The following EYA2 variants were observed in gnomAD, a reference collection of about 807,000 sequenced individuals.
EYA2 encodes the protein EYA transcriptional coactivator and phosphatase 2.
A neutral mutation model predicts 69.2 loss-of-function variants in EYA2; 31 were observed. The ratio of observed to expected loss-of-function variants is 0.45; its 90% CI spans 0.34 to 0.60. EYA2 has a LOEUF of 0.60. EYA2 is among the 20% of genes least tolerant of loss of function. The pLI is 0.02. For missense variants in EYA2, 622 were observed against 701.2 expected, an observed-to-expected ratio of 0.89 and a Z score of 1.28; for synonymous variants, 257 against 279.4, an observed-to-expected ratio of 0.92 and a Z score of 0.80.
intron 4 of EYA2, among the ~76,000 whole-genome samples, chr20:47,012,769 C>T (rs1270299964): frequency 6.6e-6 from 1 of 152,204 alleles, no homozygotes; most frequent in Admixed American, 6.5e-5. Context: ...GCTGGGATTA[C>T]AGGCGTGAGC....
intron 10 of EYA2, among the ~76,000 whole-genome samples, chr20:47,152,272 C>A (rs1384162413): frequency 1.3e-5 from 2 of 151,960 alleles, no homozygotes; most frequent in Non-Finnish European, 1.5e-5. Context: ...GGCATGTTTG[C>A]CCTGGATTAT....
At chr20:46,952,165 C>T (rs1206848418) in intron 1 of EYA2, among the ~76,000 whole-genome samples, 1 of 152,080 alleles carries the variant, frequency 6.6e-6, no homozygotes, top group Non-Finnish European at 1.5e-5. Flanking sequence ...AGGGACCCTC[C>T]TTAAGGTAGG....
At chr20:47,024,365 T>C in intron 5 of EYA2, among the ~76,000 whole-genome samples, 1 of 152,230 alleles carries the variant, frequency 6.6e-6, no homozygotes, top group East Asian at 1.9e-4. Context: ...TTCTACCCAA[T>C]GCCCCATGAA....
chr20:46,918,277 C>T (rs111545053), intron 1 of EYA2, among the ~76,000 whole-genome samples: 6 of 151,618 alleles, frequency 4.0e-5, no homozygotes, highest in East Asian at 2.0e-4. Flanking sequence ...GCCGAGATCG[C>T]GCCAGTGCAC....
intron 5 of EYA2, among the ~76,000 whole-genome samples, chr20:47,053,525 G>T (rs1040373355): frequency 6.6e-6 from 1 of 151,782 alleles, no homozygotes. Flanking sequence ...AAATTAGCCG[G>T]GTGTGGTGGC....
At chr20:46,978,057 T>C (rs1393354319) in intron 1 of EYA2, among the ~76,000 whole-genome samples, 1 of 152,168 alleles carries the variant, frequency 6.6e-6, no homozygotes, top group Non-Finnish European at 1.5e-5. Context: ...TGCCCACGGC[T>C]CCAGGTAGGC....
At position 47,117,052 on chromosome 20, in the gene EYA2, G is replaced by A. The variant is rs115653143; in HGVS notation, c.888+19884G>A. 6.2e-3 allele frequency among the ~76,000 whole-genome samples: 904 copies of A among 146,258 alleles called. 13 individuals carry two copies. The highest frequency in any genetic ancestry group is 0.021 in the African/African-American group (818 of 38,788). ...TGCTCTGTCACCCAGACTTCAGTGC[G>A]GTAGTGCAGTGGTGTAGTGGTGCGA... On this transcript the variant is annotated intron_variant, in intron 9 of 15. Coordinates refer to ENST00000327619, the MANE Select transcript of EYA2 (RefSeq NM_005244.5).
In EYA2 at chr20:46,978,524, C is replaced by T. The variant is rs187375464; in HGVS notation, c.-10-11477C>T. On this transcript the variant is annotated intron_variant, in intron 1 of 15. Coordinates refer to ENST00000327619, the MANE Select transcript of EYA2 (RefSeq NM_005244.5). ...GAGTGTGGAGCGAGAGAAAGGCCAGCGTGCTGGAATCAGATATTGGACAAG... is the reference window on the plus strand; with the variant it reads ...GAGTGTGGAGCGAGAGAAAGGCCAGTGTGCTGGAATCAGATATTGGACAAG... The T allele has an allele frequency of 2.6e-5, 14 of 531,744 alleles. No individual in the cohort carries two copies. In the East Asian group the frequency reaches 6.0e-4, roughly 23 times the overall value. 32.9% of individuals were successfully genotyped at this position (531,744 alleles called of 1,614,324 possible). A position where few individuals can be genotyped will look rare whatever the true frequency, so the allele number is the denominator to read the frequency against.
At chr20:46,970,897 A>G (rs985954717) in intron 1 of EYA2, among the ~76,000 whole-genome samples, 3 of 151,808 alleles carry the variant, frequency 2.0e-5, no homozygotes, top group Non-Finnish European at 2.9e-5. Flanking sequence ...ACTTACACGG[A>G]AATATTGACA....
intron 1 of EYA2, among the ~76,000 whole-genome samples, chr20:46,966,063 T>C (rs1226640615): frequency 6.6e-6 from 1 of 152,260 alleles, no homozygotes; most frequent in Non-Finnish European, 1.5e-5. Flanking sequence ...TGGAGAACTT[T>C]AAAATGCAGC....
intron 9 of EYA2, among the ~76,000 whole-genome samples, chr20:47,136,365 C>G (rs1011307619): frequency 6.6e-5 from 10 of 152,192 alleles, no homozygotes; most frequent in Non-Finnish European, 1.2e-4. Context: ...CTCTTATCCT[C>G]TCCCTTTCAT....
At chr20:46,943,872 T>C (rs528997729) in intron 1 of EYA2, among the ~76,000 whole-genome samples, 1 of 152,230 alleles carries the variant, frequency 6.6e-6, no homozygotes, top group African/African-American at 2.4e-5. Context: ...TGAAACCCTT[T>C]GCACACTTGT....
intron 5 of EYA2, among the ~76,000 whole-genome samples, chr20:47,027,145 A>G (rs1300791986): frequency 6.6e-6 from 1 of 152,238 alleles, no homozygotes; most frequent in African/African-American, 2.4e-5. Context: ...TATGTTTCAG[A>G]GAACTTGAGT....
At chr20:47,061,155 A>G (rs930233873) in intron 5 of EYA2, among the ~76,000 whole-genome samples, 1 of 152,032 alleles carries the variant, frequency 6.6e-6, no homozygotes, top group Non-Finnish European at 1.5e-5. Flanking sequence ...CACCCAGCCC[A>G]ACTTCATCTC....
chr20:47,187,978 G>A, intron 15 of EYA2, 75 bp from the exon 16 acceptor site: 1 of 1,465,432 alleles, frequency 6.8e-7, no homozygotes, highest in South Asian at 1.2e-5. Flanking sequence ...CTTCTCACAT[G>A]CCCTCTAACC....
intron 9 of EYA2, among the ~76,000 whole-genome samples, chr20:47,126,610 G>A (rs1484826385): frequency 1.3e-5 from 2 of 152,194 alleles, no homozygotes; most frequent in African/African-American, 4.8e-5. Flanking sequence ...CTCTTAGTTA[G>A]AAAGCTGGTT....
At chr20:46,938,019 A>G (rs78656374) in intron 1 of EYA2, among the ~76,000 whole-genome samples, 8,459 of 152,188 alleles carry the variant, frequency 0.056, 702 homozygotes, top group African/African-American at 0.18. Flanking sequence ...TCCCCATTGC[A>G]CAGACGCAGA....
At chr20:47,085,126 C>T (rs957261744) in intron 7 of EYA2, among the ~76,000 whole-genome samples, 1 of 151,926 alleles carries the variant, frequency 6.6e-6, no homozygotes, top group African/African-American at 2.4e-5. Context: ...CATGAGCCAC[C>T]ATGCCCAGCC....
chr20:46,996,865 GA>G (rs1341214703), intron 2 of EYA2, among the ~76,000 whole-genome samples: 1 of 151,888 alleles, frequency 6.6e-6, no homozygotes, highest in East Asian at 1.9e-4. Flanking sequence ...AGGAGGAAGA[GA>G]GGGGGGTGGC....
Sources: gnomAD v4.1 joint callset for allele counts (sites outside exome capture counted in the v4.1 genomes callset) on GRCh38, gnomAD v4.1.1 for gene constraint, MANE v1.5 for transcripts, NCBI Gene and HGNC (gene_info 2026-07-23, HGNC 2026-07-21) for gene names.